SRBD1: variants seen among roughly 807,000 people sequenced by gnomAD.
The protein encoded by SRBD1 is S1 RNA-binding domain-containing protein 1.
In SRBD1, 88 loss-of-function variants were observed where a neutral mutation model predicts 115.3. That is an observed-to-expected ratio of 0.76 (90% CI 0.64 to 0.91). The LOEUF is 0.91. SRBD1 is among the 40% of genes least tolerant of loss of function. The pLI is 0.00. For synonymous variants in SRBD1, 509 were observed against 407.7 expected (o/e 1.25, Z -2.99); for missense variants, 1,385 against 1,177.4 (o/e 1.18, Z -2.58).
At chr2:45,521,789 A>G (rs929932463) in intron 14 of SRBD1, among the ~76,000 whole-genome samples, 5 of 152,074 alleles carry the variant, frequency 3.3e-5, no homozygotes, top group African/African-American at 1.2e-4. Flanking sequence ...CAACATGGTG[A>G]AACCCTGTCT....
rs1262011708 is a variant in SRBD1 at position 45,389,456 on chromosome 2, T to C, written c.2842A>G (p.Ile948Val). Residue 948 changes from isoleucine to valine, a missense_variant, in exon 21 of 21, where the codon ATA (isoleucine) becomes GTA (valine). Transcript: ENST00000263736. ...IGVGKSGLIP[I>V]RNVTEAKLSK... The stretch of plus-strand genomic sequence containing the variant: ...AGTTTTGCTTCTGTTACATTTCGTA[T>C]GGGAATCAGCCCAGATTTCCCCACT... 6.2e-6 allele frequency: 10 copies of C among 1,614,108 alleles called. No homozygotes were observed. Among genetic ancestry groups the C allele is most frequent in the Non-Finnish European group, 8.5e-6 (10 of 1,179,966 alleles).
chr2:45,392,905 T>C (rs1183599783), intron 20 of SRBD1, 40 bp downstream of exon 20: 4 of 1,546,944 alleles, frequency 2.6e-6, no homozygotes, highest in Non-Finnish European at 3.5e-6. Context: ...ATGGGAGCTA[T>C]GCAAATGCAA....
chr2:45,579,709 G>A (rs1169598704), intron 7 of SRBD1, among the ~76,000 whole-genome samples, 166 bp downstream of exon 7: 2 of 151,668 alleles, frequency 1.3e-5, no homozygotes, highest in African/African-American at 4.8e-5. Flanking sequence ...GAGAAAAGCT[G>A]AATGGCTACT....
intron 14 of SRBD1, among the ~76,000 whole-genome samples, chr2:45,523,740 C>A (rs908668452): frequency 6.6e-6 from 1 of 151,494 alleles, no homozygotes; most frequent in Admixed American, 6.6e-5. Flanking sequence ...AAACTGAATT[C>A]TACCAAACAT....
chr2:45,596,391 A>C (rs927110004), intron 4 of SRBD1, among the ~76,000 whole-genome samples: 1 of 152,346 alleles, frequency 6.6e-6, no homozygotes, highest in South Asian at 2.1e-4. Flanking sequence ...CTAACCAAAC[A>C]TTAAAAGTCT....
At chr2:45,412,709 T>G (rs1667639273) in intron 19 of SRBD1, among the ~76,000 whole-genome samples, 1 of 152,238 alleles carries the variant, frequency 6.6e-6, no homozygotes, top group African/African-American at 2.4e-5. Context: ...TCTTAGATTT[T>G]AAGATTTTAA....
intron 15 of SRBD1, among the ~76,000 whole-genome samples, chr2:45,483,130 C>T (rs1194771330): frequency 6.6e-6 from 1 of 151,950 alleles, no homozygotes; most frequent in African/African-American, 2.4e-5. Flanking sequence ...ATATTATAAG[C>T]CACAGAAATT....
intron 16 of SRBD1, among the ~76,000 whole-genome samples, chr2:45,427,741 C>T (rs1365867998): frequency 6.6e-6 from 1 of 152,140 alleles, no homozygotes; most frequent in Non-Finnish European, 1.5e-5. Flanking sequence ...CCGATTCCAG[C>T]AGTACATCAA....
intron 2 of SRBD1, among the ~76,000 whole-genome samples, chr2:45,605,032 G>A (rs56299979): frequency 2.0e-5 from 3 of 152,174 alleles, no homozygotes; most frequent in African/African-American, 4.8e-5. Flanking sequence ...ACAAAGAATT[G>A]TCTTGCACAC....
At chr2:45,427,313 A>G (rs543379485) in intron 16 of SRBD1, among the ~76,000 whole-genome samples, 1 of 152,202 alleles carries the variant, frequency 6.6e-6, no homozygotes, top group Non-Finnish European at 1.5e-5. Context: ...AAATGCCCCA[A>G]ATAAAAGACA....
At chr2:45,517,851 A>C (rs1465211956) in intron 14 of SRBD1, among the ~76,000 whole-genome samples, 1 of 151,740 alleles carries the variant, frequency 6.6e-6, no homozygotes, top group Non-Finnish European at 1.5e-5. Context: ...TTTTTTTTTA[A>C]TTAGCTAGAT....
chr2:45,591,711 A>C (rs929642619), intron 4 of SRBD1, among the ~76,000 whole-genome samples: 58 of 152,186 alleles, frequency 3.8e-4, no homozygotes, highest in African/African-American at 1.4e-3. Flanking sequence ...CCCCTCCCCA[A>C]CTAGGAATGT....
chr2:45,478,930 G>A (rs940301961), intron 15 of SRBD1, among the ~76,000 whole-genome samples: 9 of 152,100 alleles, frequency 5.9e-5, no homozygotes, highest in African/African-American at 2.2e-4. Flanking sequence ...GTCTATTGGT[G>A]CCATTTTTCC....
intron 4 of SRBD1, among the ~76,000 whole-genome samples, chr2:45,594,775 T>C (rs993121128): frequency 2.1e-4 from 32 of 152,150 alleles, no homozygotes; most frequent in African/African-American, 7.5e-4. Context: ...AAAATTTTAG[T>C]CACCAAACTA....
chr2:45,472,812 A>G (rs1669690275), intron 16 of SRBD1, among the ~76,000 whole-genome samples: 1 of 152,184 alleles, frequency 6.6e-6, no homozygotes, highest in Non-Finnish European at 1.5e-5. Context: ...ACTTTCTTGG[A>G]AGACTGTTAT....
chr2:45,583,765 G>A (rs1188479938), intron 5 of SRBD1, among the ~76,000 whole-genome samples: 2 of 152,030 alleles, frequency 1.3e-5, no homozygotes, highest in Admixed American at 6.5e-5. Context: ...TTACCAGAAA[G>A]AAATTTCTGT....
intron 1 of SRBD1, among the ~76,000 whole-genome samples, chr2:45,607,715 A>G (rs925839544): frequency 1.3e-5 from 2 of 152,192 alleles, no homozygotes; most frequent in Admixed American, 6.5e-5. Flanking sequence ...TGACAAAGGA[A>G]TATCTCTAAG....
intron 19 of SRBD1, among the ~76,000 whole-genome samples, chr2:45,408,711 C>G (rs1406901661): frequency 1.3e-5 from 2 of 152,094 alleles, no homozygotes; most frequent in Admixed American, 1.3e-4. Context: ...TAGAGTAATT[C>G]TACTTCTAGG....
chr2:45,414,697 T>TGTGTATATAGTATGTATATACACACAC (rs1558563236), intron 18 of SRBD1, among the ~76,000 whole-genome samples: 1 of 121,378 alleles, frequency 8.2e-6, no homozygotes, highest in African/African-American at 3.1e-5. Context: ...CACACACACA[T>TGTGTATATAGTATGTATATACACACAC]AGTGTGTATA....
Sources: allele counts gnomAD v4.1 joint callset (sites outside exome capture counted in the v4.1 genomes callset), GRCh38; gene constraint gnomAD v4.1.1; transcripts MANE v1.5; gene names NCBI Gene and HGNC (gene_info 2026-07-23, HGNC 2026-07-21).